FSHR: variants seen among roughly 807,000 people sequenced by gnomAD.
FSHR encodes follicle stimulating hormone receptor, also known as follicle-stimulating hormone receptor.
A neutral mutation model predicts 52.1 loss-of-function variants in FSHR; 46 were observed. The ratio of observed to expected loss-of-function variants is 0.88; its 90% CI spans 0.70 to 1.13. The LOEUF (loss-of-function observed/expected upper bound fraction) is 1.13, where lower values mean the gene tolerates loss of function less well. Among genes scored for constraint, FSHR ranks in the 50% most tolerant of loss-of-function variants. The probability of loss-of-function intolerance (pLI) is 0.00; values close to 1 mark genes in which losing one functional copy is unlikely to be tolerated. For missense variants in FSHR, 964 were observed against 834.6 expected (o/e 1.16, Z -1.91); for synonymous variants, 399 against 309.6 (o/e 1.29, Z -3.03).
chr2:49,051,638 G>A (rs1572681820), intron 2 of FSHR, among the ~76,000 whole-genome samples: 1 of 151,756 alleles, frequency 6.6e-6, no homozygotes, highest in Non-Finnish European at 1.5e-5. Context: ...ATGTGATTTG[G>A]TTGTCATTTT....
intron 2 of FSHR, among the ~76,000 whole-genome samples, chr2:49,057,485 A>G (rs186155960): frequency 6.6e-6 from 1 of 152,180 alleles, no homozygotes; most frequent in Non-Finnish European, 1.5e-5. Flanking sequence ...CCAAGAATAA[A>G]TAGAAAATCT....
intron 1 of FSHR, among the ~76,000 whole-genome samples, chr2:49,111,485 A>G (rs1671420428): frequency 6.6e-6 from 1 of 152,180 alleles, no homozygotes. Context: ...TATTATTATT[A>G]GACAATTTTT....
intron 1 of FSHR, among the ~76,000 whole-genome samples, chr2:49,111,360 G>C (rs186131865): frequency 1.3e-5 from 2 of 152,016 alleles, no homozygotes; most frequent in Non-Finnish European, 2.9e-5. Flanking sequence ...AGGTGTTTTC[G>C]CCTTTAAAAT....
chr2:49,084,592 C>CG (rs1307081404), intron 1 of FSHR, among the ~76,000 whole-genome samples: 2 of 151,880 alleles, frequency 1.3e-5, no homozygotes, highest in Non-Finnish European at 2.9e-5. Flanking sequence ...ATTGATAGAC[C>CG]GCTAGCAAGA....
chr2:48,973,265 CACACAT>C (rs1339810621), intron 8 of FSHR, among the ~76,000 whole-genome samples: 39 of 149,456 alleles, frequency 2.6e-4, no homozygotes, highest in Non-Finnish European at 4.4e-4. Context: ...CACACACACA[CACACAT>C]GCACATGCAA....
intron 4 of FSHR, among the ~76,000 whole-genome samples, chr2:48,992,040 C>G (rs1553433247): frequency 6.6e-6 from 1 of 151,750 alleles, no homozygotes; most frequent in African/African-American, 2.4e-5. Context: ...TTTTTCCTCT[C>G]TTGATTCCCT....
intron 2 of FSHR, among the ~76,000 whole-genome samples, chr2:49,053,874 G>A (rs978219501): frequency 1.3e-5 from 2 of 152,158 alleles, no homozygotes; most frequent in Non-Finnish European, 2.9e-5. Flanking sequence ...TTCAGATACT[G>A]AGATTGAGTA....
At chr2:49,080,810 T>C (rs1356323753) in intron 1 of FSHR, among the ~76,000 whole-genome samples, 1 of 152,138 alleles carries the variant, frequency 6.6e-6, no homozygotes, top group African/African-American at 2.4e-5. Flanking sequence ...ACCTTTCATA[T>C]GCAAACCAAC....
chr2:49,010,237 AG>A (rs1448732733), intron 4 of FSHR, among the ~76,000 whole-genome samples: 6 of 129,574 alleles, frequency 4.6e-5, no homozygotes, highest in African/African-American at 2.8e-5. Context: ...TTTAGCATGA[AG>A]GGTTGTTGAA....
intron 1 of FSHR, among the ~76,000 whole-genome samples, chr2:49,153,490 T>C (rs1673134027): frequency 6.6e-6 from 1 of 152,128 alleles, no homozygotes; most frequent in Admixed American, 6.5e-5. Flanking sequence ...TACTTTTGGC[T>C]CCATCTCAAC....
chr2:48,999,252 G>T (rs1304264105), intron 4 of FSHR, among the ~76,000 whole-genome samples: 2 of 141,656 alleles, frequency 1.4e-5, no homozygotes, highest in Admixed American at 7.5e-5. Flanking sequence ...ACTTACTATC[G>T]ATTATTTAAT....
In FSHR at chr2:48,984,713, G is replaced by A. The variant is rs371881154; in HGVS notation, c.525-1547C>T. ...GCTCATGAGCTGGATTTGGCCTCTGGGTTATATGTAGTTGGCTGACCCTTA... is the reference window on the plus strand; with the variant it reads ...GCTCATGAGCTGGATTTGGCCTCTGAGTTATATGTAGTTGGCTGACCCTTA... On this transcript the variant is annotated intron_variant, in intron 6 of 9. Transcript: ENST00000406846. Among the ~76,000 whole-genome samples, 6 of 151,826 alleles carry A rather than the reference G, an allele frequency of 4.0e-5. No homozygotes were observed. The East Asian group carries it at 5.8e-4, about 15-fold the overall frequency.
intron 1 of FSHR, among the ~76,000 whole-genome samples, chr2:49,103,943 G>A (rs1671130747): frequency 6.6e-6 from 1 of 150,418 alleles, no homozygotes; most frequent in Non-Finnish European, 1.5e-5. Context: ...AAGCTCAAAT[G>A]TCATGGATTA....
intron 1 of FSHR, among the ~76,000 whole-genome samples, chr2:49,136,505 C>T (rs977148234): frequency 2.0e-5 from 3 of 152,056 alleles, no homozygotes; most frequent in Non-Finnish European, 2.9e-5. Flanking sequence ...CTTTTGCACT[C>T]ATTCTATGAG....
In FSHR at chr2:48,963,120, G is replaced by A. The variant is rs1356674641; in HGVS notation, c.1701C>T (p.Asp567=). 1.2e-6 allele frequency: 2 copies of A among 1,614,138 alleles called. No individual in the cohort carries two copies. Among genetic ancestry groups the A allele is most frequent in the South Asian group, 2.2e-5 (2 of 91,076 alleles). The change falls in exon 10 of 10, where the codon GAC becomes GAT. Residue 567 remains aspartate (D), a synonymous_variant. Coordinates refer to ENST00000406846, the MANE Select transcript of FSHR (RefSeq NM_000145.4). ...RNPNIVSSSS[D]TRIAKRMAML... ...TGGCCATGCGCTTGGCGATCCTGGT[G>A]TCACTAGAGGAGGACACGATGTTGG...
At chr2:49,013,483 TAA>T (rs1667358560) in intron 4 of FSHR, among the ~76,000 whole-genome samples, 1 of 98,896 alleles carries the variant, frequency 1.0e-5, no homozygotes, top group African/African-American at 3.7e-5. Flanking sequence ...TATATATAAA[TAA>T]ATATATATAT....
intron 1 of FSHR, among the ~76,000 whole-genome samples, chr2:49,143,397 T>C (rs1672758109): frequency 6.6e-6 from 1 of 152,042 alleles, no homozygotes; most frequent in Non-Finnish European, 1.5e-5. Context: ...ATATTCAGAG[T>C]TGTAAAATGT....
intron 1 of FSHR, among the ~76,000 whole-genome samples, chr2:49,143,342 T>G (rs958974): frequency 0.46 from 70,120 of 151,982 alleles, 16,474 homozygotes; most frequent in East Asian, 0.7. Flanking sequence ...TGTGAACAGA[T>G]AAGTGACCAC....
intron 4 of FSHR, among the ~76,000 whole-genome samples, chr2:49,011,331 G>A (rs1279115391): frequency 6.6e-6 from 1 of 152,028 alleles, no homozygotes; most frequent in Non-Finnish European, 1.5e-5. Context: ...CCATGTAGTT[G>A]AGTGGTTTTG....
Sources: gnomAD v4.1 joint callset for allele counts (sites outside exome capture counted in the v4.1 genomes callset) on GRCh38, gnomAD v4.1.1 for gene constraint, MANE v1.5 for transcripts, NCBI Gene and HGNC (gene_info 2026-07-23, HGNC 2026-07-21) for gene names.